The following NAV2 variants were observed in gnomAD, a reference collection of about 807,000 sequenced individuals.
NAV2 encodes the protein neuron navigator 2, also known as helicase, APC down-regulated 1.
Under a neutral mutation model 223.2 loss-of-function variants are expected in NAV2, and 54 were observed. The observed-to-expected ratio is 0.24, with a 90% CI of 0.19 to 0.30. The LOEUF (loss-of-function observed/expected upper bound fraction) is 0.30, where lower values mean the gene tolerates loss of function less well. Among genes scored for constraint, NAV2 ranks in the 10% least tolerant of loss-of-function variants. NAV2 has a pLI of 1.00. For synonymous variants in NAV2, 1,279 were observed against 1,239.3 expected (o/e 1.03, Z -0.67); for missense variants, 2,806 against 3,147.5 (o/e 0.89, Z 2.60).
At chr11:20,040,577 C>T (rs1335514694) in intron 12 of NAV2, among the ~76,000 whole-genome samples, 3 of 152,216 alleles carry the variant, frequency 2.0e-5, no homozygotes, top group South Asian at 4.1e-4. Context: ...CCACATCATG[C>T]TCCTCAGGCC....
upstream of NAV2, among the ~76,000 whole-genome samples, chr11:19,346,648 G>A (rs1291912105): frequency 1.3e-5 from 2 of 152,160 alleles, no homozygotes; most frequent in Admixed American, 6.5e-5. Flanking sequence ...AGCACGCTCC[G>A]CTCGCTCGCA....
chr11:20,034,286 AC>A (rs2056107741), intron 11 of NAV2, among the ~76,000 whole-genome samples: 1 of 151,396 alleles, frequency 6.6e-6, no homozygotes, highest in Non-Finnish European at 1.5e-5. Context: ...GTAGTGTCAC[AC>A]TGATCTTGGA....
chr11:19,996,023 C>T (rs770551679), intron 11 of NAV2, among the ~76,000 whole-genome samples: 16 of 152,070 alleles, frequency 1.1e-4, no homozygotes, highest in Non-Finnish European at 2.1e-4. Context: ...GCATGGTACT[C>T]CTGAGTGTCA....
intron 1 of NAV2, among the ~76,000 whole-genome samples, chr11:19,399,540 C>T (rs562115911): frequency 9.8e-4 from 149 of 152,326 alleles, no homozygotes; most frequent in Non-Finnish European, 1.9e-3. Flanking sequence ...GCCCTCAGAG[C>T]CCACAAGCCT....
chr11:20,032,663 A>G (rs1771797706), intron 11 of NAV2, among the ~76,000 whole-genome samples: 1 of 152,204 alleles, frequency 6.6e-6, no homozygotes, highest in South Asian at 2.1e-4. Context: ...GTCCTTTTCC[A>G]TCTGTGACGC....
At chr11:19,611,051 G>C (rs1176290537) in intron 1 of NAV2, among the ~76,000 whole-genome samples, 1 of 152,196 alleles carries the variant, frequency 6.6e-6, no homozygotes, top group Non-Finnish European at 1.5e-5. Flanking sequence ...GTTCCACATG[G>C]CTAGGGAAGC....
chr11:19,825,117 C>A (rs889609493), intron 1 of NAV2, among the ~76,000 whole-genome samples: 1 of 151,670 alleles, frequency 6.6e-6, no homozygotes, highest in Non-Finnish European at 1.5e-5. Flanking sequence ...CATGGTGAAA[C>A]CCCATCTCTA....
At chr11:19,949,406 C>T (rs567357942) in intron 10 of NAV2, among the ~76,000 whole-genome samples, 1 of 152,354 alleles carries the variant, frequency 6.6e-6, no homozygotes, top group South Asian at 2.1e-4. Flanking sequence ...TGAGATCTGG[C>T]CTGTACCTGC....
At chr11:19,791,863 A>T (rs1184287713) in intron 1 of NAV2, among the ~76,000 whole-genome samples, 2 of 152,192 alleles carry the variant, frequency 1.3e-5, no homozygotes. Context: ...GGAGATGGTC[A>T]TTCCTCTCCA....
At chr11:19,982,692 C>T (rs2050407441) in intron 10 of NAV2, among the ~76,000 whole-genome samples, 1 of 152,172 alleles carries the variant, frequency 6.6e-6, no homozygotes, top group South Asian at 2.1e-4. Context: ...TAGAAGCTTC[C>T]TGGGTTCCTC....
At chr11:19,916,110 G>A (rs1369942787) in intron 6 of NAV2, among the ~76,000 whole-genome samples, 2 of 152,174 alleles carry the variant, frequency 1.3e-5, no homozygotes, top group East Asian at 3.8e-4. Flanking sequence ...CTTTTACACA[G>A]TATATACTTA....
intron 1 of NAV2, among the ~76,000 whole-genome samples, chr11:19,477,970 A>G (rs916702529): frequency 6.6e-6 from 1 of 152,224 alleles, no homozygotes; most frequent in African/African-American, 2.4e-5. Flanking sequence ...ATTCAATACA[A>G]AGGCTAACTT....
intron 1 of NAV2, among the ~76,000 whole-genome samples, chr11:19,541,416 G>A (rs1287336803): frequency 6.6e-6 from 1 of 152,242 alleles, no homozygotes; most frequent in Non-Finnish European, 1.5e-5. Flanking sequence ...CGAAATTTAG[G>A]AAGTGAGAGT....
intron 1 of NAV2, among the ~76,000 whole-genome samples, chr11:19,434,672 C>A (rs1851151518): frequency 6.6e-6 from 1 of 152,126 alleles, no homozygotes; most frequent in Admixed American, 6.6e-5. Flanking sequence ...TCCTCTTTTG[C>A]AAAATCAAAT....
intron 3 of NAV2, among the ~76,000 whole-genome samples, chr11:19,846,757 C>T (rs2060834388): frequency 6.6e-6 from 1 of 152,192 alleles, no homozygotes; most frequent in African/African-American, 2.4e-5. Flanking sequence ...GCATTTGTAA[C>T]CCTCAGTGCC....
intron 10 of NAV2, 79 bp from the exon 11 acceptor site, chr11:19,984,046 A>G (rs899678385): frequency 1.3e-6 from 2 of 1,594,140 alleles, no homozygotes; most frequent in South Asian, 1.1e-5. Context: ...GCGGCTGTAC[A>G]GGCTTCTGGA....
intron 3 of NAV2, among the ~76,000 whole-genome samples, chr11:19,844,737 T>C (rs893498662): frequency 6.6e-6 from 1 of 152,200 alleles, no homozygotes; most frequent in African/African-American, 2.4e-5. Flanking sequence ...ATAGCACCAA[T>C]GCAGTGTTGC....
chr11:19,777,607 G>A (rs538476413), intron 1 of NAV2: 2 of 442,058 alleles, frequency 4.5e-6, no homozygotes, highest in African/African-American at 2.0e-5. Context: ...GAACTGGCCC[G>A]GGTGGTGGAA....
At chr11:19,479,916 G>A (rs566343775) in intron 1 of NAV2, among the ~76,000 whole-genome samples, 77 of 152,326 alleles carry the variant, frequency 5.1e-4, no homozygotes, top group South Asian at 1.0e-3. Context: ...GGCTCATGCT[G>A]TAGGGCAGAT....
Sources: allele counts gnomAD v4.1 joint callset (sites outside exome capture counted in the v4.1 genomes callset), GRCh38; gene constraint gnomAD v4.1.1; transcripts MANE v1.5; gene names NCBI Gene and HGNC (gene_info 2026-07-23, HGNC 2026-07-21).